The following IMMP2L variants were observed in gnomAD, a reference collection of about 807,000 sequenced individuals.
IMMP2L encodes mitochondrial inner membrane protease subunit 2.
A neutral mutation model predicts 19.3 loss-of-function variants in IMMP2L; 18 were observed. The ratio of observed to expected loss-of-function variants is 0.93; its 90% CI spans 0.64 to 1.38. The LOEUF (loss-of-function observed/expected upper bound fraction) is 1.38, where lower values mean the gene tolerates loss of function less well. IMMP2L is among the 40% of genes most tolerant of loss of function. The pLI, the probability that IMMP2L is intolerant of heterozygous loss-of-function variation, is 0.00. For missense variants in IMMP2L, 233 were observed against 218.2 expected (o/e 1.07, Z -0.43); for synonymous variants, 76 against 73.0 (o/e 1.04, Z -0.21).
At chr7:110,737,002 T>C (rs1257958371) in intron 5 of IMMP2L, among the ~76,000 whole-genome samples, 1 of 152,128 alleles carries the variant, frequency 6.6e-6, no homozygotes, top group Non-Finnish European at 1.5e-5. Context: ...GGTTTGAATG[T>C]TTGTGGCAGT....
chr7:111,088,978 C>G (rs1310761310), intron 3 of IMMP2L, among the ~76,000 whole-genome samples: 1 of 152,082 alleles, frequency 6.6e-6, no homozygotes, highest in Non-Finnish European at 1.5e-5. Context: ...ATTTCTAGTG[C>G]TCCATGATAT....
At chr7:111,174,889 T>C (rs912036433) in intron 3 of IMMP2L, among the ~76,000 whole-genome samples, 13 of 151,784 alleles carry the variant, frequency 8.6e-5, no homozygotes, top group African/African-American at 3.1e-4. Context: ...GGGCTAGATT[T>C]TCCAATAAAG....
chr7:111,126,882 G>A (rs1183319242), intron 3 of IMMP2L, among the ~76,000 whole-genome samples: 1 of 152,022 alleles, frequency 6.6e-6, no homozygotes, highest in Non-Finnish European at 1.5e-5. Flanking sequence ...TCTTACAATA[G>A]CTTTCTGCAT....
chr7:111,254,340 T>C (rs185638736), intron 3 of IMMP2L, among the ~76,000 whole-genome samples: 11 of 152,242 alleles, frequency 7.2e-5, no homozygotes. Flanking sequence ...AGTCTTTGAA[T>C]ATATGCAAAT....
intron 5 of IMMP2L, among the ~76,000 whole-genome samples, chr7:110,767,874 G>A (rs903121134): frequency 7.9e-5 from 12 of 152,056 alleles, no homozygotes; most frequent in African/African-American, 4.8e-5. Context: ...CCCCTGGCAC[G>A]GCACTTAAGA....
intron 4 of IMMP2L, among the ~76,000 whole-genome samples, chr7:110,899,026 CTT>C (rs1479422547): frequency 9.9e-5 from 15 of 151,792 alleles, no homozygotes; most frequent in Admixed American, 9.9e-4. Flanking sequence ...TTCTTTTGAT[CTT>C]TATAGAGCTT....
chr7:111,003,460 T>TA (rs1384992701), intron 3 of IMMP2L, among the ~76,000 whole-genome samples: 2 of 152,086 alleles, frequency 1.3e-5, no homozygotes, highest in African/African-American at 4.8e-5. Flanking sequence ...ACTACACGAA[T>TA]AAAAATTGTA....
rs1225202769 is a variant in IMMP2L at position 110,757,771 on chromosome 7, G to A, written c.409-94050C>T. On this transcript the variant is annotated intron_variant, in intron 5 of 5. Coordinates refer to ENST00000405709, the MANE Select transcript of IMMP2L (RefSeq NM_032549.4). This position sits in a 1 kb window ranked among gnomAD's most constrained non-coding sequence, Gnocchi z 4.2. ...TCTTTCTTAAATTTTTCTACTTTGA[G>A]TTTGTCATCTGTGTTTTGTCAGCAC... Among the ~76,000 whole-genome samples the A allele has an allele frequency of 6.6e-6, 1 of 152,000 alleles. No individual in the cohort carries two copies. Among genetic ancestry groups the A allele is most frequent in the Non-Finnish European group, 1.5e-5 (1 of 68,004 alleles).
At chr7:111,291,797 T>C (rs1441641537) in intron 3 of IMMP2L, among the ~76,000 whole-genome samples, 2 of 152,164 alleles carry the variant, frequency 1.3e-5, no homozygotes, top group Non-Finnish European at 1.5e-5. Flanking sequence ...GAGGAAGGAT[T>C]TGTTAATTAA....
At chr7:111,358,049 G>A (rs760355264) in intron 3 of IMMP2L, among the ~76,000 whole-genome samples, 16 of 151,500 alleles carry the variant, frequency 1.1e-4, no homozygotes, top group Non-Finnish European at 1.8e-4. Flanking sequence ...TCTTTGTACT[G>A]GGCTGTCAAC....
intron 4 of IMMP2L, among the ~76,000 whole-genome samples, chr7:110,900,285 T>C (rs888379345): frequency 1.7e-4 from 26 of 152,276 alleles, no homozygotes; most frequent in Non-Finnish European, 3.1e-4. Context: ...GTCCTCTAAA[T>C]GTAAATTGTT....
chr7:111,286,421 G>T (rs757908534), intron 3 of IMMP2L, among the ~76,000 whole-genome samples: 2 of 152,034 alleles, frequency 1.3e-5, no homozygotes, highest in East Asian at 3.9e-4. Context: ...CCCTCAATCT[G>T]TCAATGATTA....
At chr7:111,532,957 G>T (rs1206120581) in intron 1 of IMMP2L, among the ~76,000 whole-genome samples, 1 of 152,126 alleles carries the variant, frequency 6.6e-6, no homozygotes, top group African/African-American at 2.4e-5. Flanking sequence ...AACTCCCTTG[G>T]AATGAGTGCT....
intron 3 of IMMP2L, among the ~76,000 whole-genome samples, chr7:111,431,456 G>A (rs1371412757): frequency 6.6e-6 from 1 of 151,796 alleles, no homozygotes. Context: ...CAAGGATCAT[G>A]GTACCCTAAC....
chr7:111,437,661 T>C (rs1049190930), intron 3 of IMMP2L, among the ~76,000 whole-genome samples: 2 of 151,950 alleles, frequency 1.3e-5, no homozygotes, highest in African/African-American at 4.9e-5. Context: ...AAACCAGCCA[T>C]CTGGCCGCTT....
chr7:111,546,320 C>G (rs1218251135), intron 1 of IMMP2L, among the ~76,000 whole-genome samples: 1 of 152,078 alleles, frequency 6.6e-6, no homozygotes, highest in East Asian at 1.9e-4. Context: ...GTTCCCTATA[C>G]CCTCAATGAC....
chr7:110,713,168 C>A (rs141105468), intron 5 of IMMP2L, among the ~76,000 whole-genome samples: 3 of 152,146 alleles, frequency 2.0e-5, no homozygotes, highest in Non-Finnish European at 4.4e-5. Flanking sequence ...AATAGGGAGT[C>A]CTTTCCCCAT....
At chr7:111,098,076 A>T (rs1206337781) in intron 3 of IMMP2L, among the ~76,000 whole-genome samples, 1 of 151,850 alleles carries the variant, frequency 6.6e-6, no homozygotes, top group Admixed American at 6.6e-5. Context: ...AAAGATAAAC[A>T]TACTCTAAGA....
At chr7:110,945,974 C>A (rs1171517326) in intron 4 of IMMP2L, among the ~76,000 whole-genome samples, 2 of 152,144 alleles carry the variant, frequency 1.3e-5, no homozygotes, top group African/African-American at 4.8e-5. Flanking sequence ...AATGTTCCAA[C>A]CTATCCTGTG....
Sources: allele counts gnomAD v4.1 joint callset (sites outside exome capture counted in the v4.1 genomes callset), GRCh38; gene constraint gnomAD v4.1.1; non-coding constraint Gnocchi (gnomAD v3.1); transcripts MANE v1.5; gene names NCBI Gene and HGNC (gene_info 2026-07-23, HGNC 2026-07-21).